PRKCE: variants seen among roughly 807,000 people sequenced by gnomAD.
The protein encoded by PRKCE is protein kinase C epsilon type.
Under a neutral mutation model 85.4 loss-of-function variants are expected in PRKCE, and 16 were observed. The ratio of observed to expected loss-of-function variants is 0.19; its 90% CI spans 0.13 to 0.28. PRKCE has a LOEUF of 0.28. PRKCE is among the 10% of genes least tolerant of loss of function. PRKCE has a pLI of 1.00. For missense variants in PRKCE, 573 were observed against 975.2 expected (o/e 0.59, Z 5.49); for synonymous variants, 388 against 371.5 (o/e 1.04, Z -0.51).
At chr2:45,822,886 T>G (rs1303590521) in intron 1 of PRKCE, among the ~76,000 whole-genome samples, 5 of 152,190 alleles carry the variant, frequency 3.3e-5, no homozygotes, top group African/African-American at 1.2e-4. Context: ...TAATTACCCT[T>G]CTCTCCCACT....
Position 46,184,742 on chromosome 2 carries a change from A to G in PRKCE, c.2075A>G (p.Lys692Arg), listed in dbSNP as rs780881206. Reference protein sequence around the residue: ...KPPFKPRIKTKRDVNNFDQDF... With the variant: ...KPPFKPRIKTRRDVNNFDQDF... ...TCTCTTTTCTTCCCACAGAAAACCA[A>G]AAGAGACGTCAATAATTTTGACCAA... is the stretch of plus-strand genomic sequence containing the variant. Residue 692 changes from lysine to arginine, a missense_variant, in exon 15 of 15, where the codon AAA (lysine) becomes AGA (arginine). Lys to Arg is a conservative substitution (Grantham distance 26). Transcript: ENST00000306156. The surrounding 1 kb of genome is among the most constrained non-coding windows in gnomAD (Gnocchi z 5.0). 6.3e-6 allele frequency: 10 copies of G among 1,599,636 alleles called. No individual in the cohort carries two copies. The highest frequency in any genetic ancestry group is 1.1e-5 in the South Asian group (1 of 91,036).
At chr2:46,020,821 C>T (rs1706587047) in intron 10 of PRKCE, among the ~76,000 whole-genome samples, 1 of 152,290 alleles carries the variant, frequency 6.6e-6, no homozygotes, top group East Asian at 1.9e-4. Context: ...AGAATAAAGA[C>T]AGTATGTGAT....
At chr2:45,672,315 C>T (rs990676689) in intron 1 of PRKCE, among the ~76,000 whole-genome samples, 1 of 151,950 alleles carries the variant, frequency 6.6e-6, no homozygotes, top group African/African-American at 2.4e-5. Flanking sequence ...TATATCCATC[C>T]ATCCATCCAC....
At chr2:45,838,931 G>A (rs1691121001) in intron 1 of PRKCE, among the ~76,000 whole-genome samples, 1 of 152,100 alleles carries the variant, frequency 6.6e-6, no homozygotes, top group South Asian at 2.1e-4. Context: ...CATGATAACT[G>A]CACCAATGAT....
intron 1 of PRKCE, among the ~76,000 whole-genome samples, chr2:45,745,177 G>C (rs1241448927): frequency 6.6e-6 from 1 of 152,146 alleles, no homozygotes; most frequent in Non-Finnish European, 1.5e-5. Context: ...CTGTCATGCG[G>C]GTCCTGCAAA....
At chr2:46,035,091 C>T (rs1241834541) in intron 10 of PRKCE, among the ~76,000 whole-genome samples, 1 of 152,248 alleles carries the variant, frequency 6.6e-6, no homozygotes, top group Admixed American at 6.5e-5. Flanking sequence ...TTCCTTCAGA[C>T]AGGGTCTCCT....
At chr2:45,904,986 A>G (rs1024048476) in intron 2 of PRKCE, among the ~76,000 whole-genome samples, 2 of 152,146 alleles carry the variant, frequency 1.3e-5, no homozygotes, top group African/African-American at 4.8e-5. Context: ...GCCTTTGTTG[A>G]CCATTGTACA....
intron 1 of PRKCE, among the ~76,000 whole-genome samples, chr2:45,819,431 G>A (rs1405255536): frequency 6.6e-6 from 1 of 152,150 alleles, no homozygotes; most frequent in South Asian, 2.1e-4. Context: ...TATGAGTCAA[G>A]GTCCATAGCA....
chr2:45,940,780 C>T lies in PRKCE; in HGVS notation c.413-35649C>T, dbSNP rs530534915. 8.5e-5 allele frequency among the ~76,000 whole-genome samples: 13 copies of T among 152,228 alleles called. No individual in the cohort carries two copies. In the South Asian group the frequency reaches 1.7e-3, roughly 19 times the overall value. On this transcript the variant is annotated intron_variant, in intron 2 of 14. Coordinates refer to ENST00000306156, the MANE Select transcript of PRKCE (RefSeq NM_005400.3). ...ATTAAAAAGTTGATAGGCACCTGGC[C>T]GGGCGTGGTGGCTCATGCCTGTAAT...
intron 6 of PRKCE, among the ~76,000 whole-genome samples, chr2:45,996,169 G>T (rs961594377): frequency 1.3e-5 from 2 of 152,042 alleles, no homozygotes; most frequent in Admixed American, 1.3e-4. Context: ...TTCATTGCTG[G>T]TGTATAGGAA....
At chr2:45,784,842 A>G (rs1353324825) in intron 1 of PRKCE, among the ~76,000 whole-genome samples, 1 of 152,216 alleles carries the variant, frequency 6.6e-6, no homozygotes. Flanking sequence ...GGAGAAGGGG[A>G]GAACTTTCTG....
chr2:45,979,879 C>T (rs994369740), intron 4 of PRKCE, among the ~76,000 whole-genome samples: 7 of 152,190 alleles, frequency 4.6e-5, no homozygotes, highest in African/African-American at 1.7e-4. Context: ...TCTGCACCGC[C>T]TGCTGCAGTT....
intron 11 of PRKCE, among the ~76,000 whole-genome samples, chr2:46,143,499 T>G (rs1056222783): frequency 6.6e-6 from 1 of 152,112 alleles, no homozygotes; most frequent in African/African-American, 2.4e-5. Context: ...CACGCACATC[T>G]CATTAGTCCT....
chr2:45,982,196 G>A (rs755953550), intron 5 of PRKCE, among the ~76,000 whole-genome samples: 2 of 152,254 alleles, frequency 1.3e-5, no homozygotes, highest in African/African-American at 2.4e-5. Context: ...TAGTGTCAGT[G>A]TATCTGCCCC....
intron 1 of PRKCE, among the ~76,000 whole-genome samples, chr2:45,726,664 C>G (rs1681099806): frequency 6.6e-6 from 1 of 152,122 alleles, no homozygotes; most frequent in African/African-American, 2.4e-5. Context: ...TGGAACTGAA[C>G]CTTCAATATC....
chr2:46,180,513 A>G (rs1679869834), intron 14 of PRKCE, among the ~76,000 whole-genome samples: 1 of 152,238 alleles, frequency 6.6e-6, no homozygotes. Flanking sequence ...GTCCTAGTTC[A>G]GGATTTGGAG....
chr2:45,829,414 G>C (rs2105382821), intron 1 of PRKCE, among the ~76,000 whole-genome samples: 1 of 152,186 alleles, frequency 6.6e-6, no homozygotes, highest in Middle Eastern at 3.4e-3. Context: ...TTTTGTTTGG[G>C]TTTGGTTTTG....
intron 13 of PRKCE, among the ~76,000 whole-genome samples, chr2:46,157,208 A>C (rs1463654401): frequency 6.6e-6 from 1 of 152,146 alleles, no homozygotes; most frequent in Non-Finnish European, 1.5e-5. Flanking sequence ...TTCCCAAGTC[A>C]GATGAGTAAC....
intron 1 of PRKCE, among the ~76,000 whole-genome samples, chr2:45,764,449 T>C (rs1684751193): frequency 6.6e-6 from 1 of 152,252 alleles, no homozygotes. Context: ...AACTAATTAA[T>C]CTTCTAACTG....
Sources: allele counts gnomAD v4.1 joint callset (sites outside exome capture counted in the v4.1 genomes callset), GRCh38; gene constraint gnomAD v4.1.1; non-coding constraint Gnocchi (gnomAD v3.1); transcripts MANE v1.5; gene names NCBI Gene and HGNC (gene_info 2026-07-23, HGNC 2026-07-21).